The following CDH13 variants were observed in gnomAD, a reference collection of about 807,000 sequenced individuals.
CDH13 encodes the protein cadherin 13.
CDH13 carries 24 observed loss-of-function variants against 63.8 expected under a neutral mutation model. That is an observed-to-expected ratio of 0.38 (90% CI 0.27 to 0.53). CDH13 has a LOEUF of 0.53. Among genes scored for constraint, CDH13 ranks in the 20% least tolerant of loss-of-function variants. The probability of loss-of-function intolerance (pLI) is 0.85; values close to 1 mark genes in which losing one functional copy is unlikely to be tolerated. For missense variants in CDH13, 1,049 were observed against 903.1 expected (o/e 1.16, Z -2.07); for synonymous variants, 503 against 355.3 (o/e 1.42, Z -4.67).
intron 1 of CDH13, among the ~76,000 whole-genome samples, chr16:82,731,169 G>C (rs1343252341): frequency 1.3e-5 from 2 of 152,164 alleles, no homozygotes; most frequent in Non-Finnish European, 2.9e-5. Context: ...TTTTGAACTA[G>C]AATGGCAGTC....
chr16:83,360,817 T>G (rs1311292610), intron 6 of CDH13, among the ~76,000 whole-genome samples: 1 of 152,200 alleles, frequency 6.6e-6, no homozygotes, highest in Non-Finnish European at 1.5e-5. Context: ...CATAGTATTC[T>G]GTGGTGTATG....
At chr16:83,046,444 G>C (rs1349066843) in intron 3 of CDH13, among the ~76,000 whole-genome samples, 1 of 152,048 alleles carries the variant, frequency 6.6e-6, no homozygotes, top group Non-Finnish European at 1.5e-5. Context: ...TAAGAAAAAG[G>C]ATAGAAAAAG....
At chr16:83,233,299 G>A (rs2040055030) in intron 5 of CDH13, among the ~76,000 whole-genome samples, 1 of 152,168 alleles carries the variant, frequency 6.6e-6, no homozygotes, top group African/African-American at 2.4e-5. Context: ...CTCTCACCCA[G>A]TGACGACCAC....
chr16:82,829,176 C>G (rs553242774), intron 1 of CDH13: 26 of 152,308 alleles, frequency 1.7e-4, no homozygotes, highest in African/African-American at 6.0e-4. Flanking sequence ...CATGAGTGGA[C>G]TGGAGAGACT....
intron 7 of CDH13, among the ~76,000 whole-genome samples, chr16:83,533,231 A>G (rs537228205): frequency 4.6e-5 from 7 of 152,148 alleles, no homozygotes; most frequent in East Asian, 1.9e-4. Flanking sequence ...CTTCCCCTCA[A>G]TGCGACGGCT....
chr16:82,761,318 C>T (rs948511363), intron 1 of CDH13, among the ~76,000 whole-genome samples: 2 of 152,076 alleles, frequency 1.3e-5, no homozygotes, highest in African/African-American at 2.4e-5. Context: ...ATGCCCGGCA[C>T]ATTTCAACAC....
At chr16:83,521,377 GA>G (rs200584596) in intron 7 of CDH13, among the ~76,000 whole-genome samples, 14 of 151,758 alleles carry the variant, frequency 9.2e-5, no homozygotes, top group Admixed American at 1.3e-4. Context: ...ACCAATAATG[GA>G]AAAAAAATTG....
chr16:82,699,835 T>G (rs11641429), intron 1 of CDH13, among the ~76,000 whole-genome samples: 19,732 of 152,254 alleles, frequency 0.13, 1,390 homozygotes, highest in South Asian at 0.28. Context: ...TCCCATCTAG[T>G]TTTTACAAAC....
At chr16:82,948,665 T>G (rs759772691) in intron 2 of CDH13, among the ~76,000 whole-genome samples, 8 of 152,214 alleles carry the variant, frequency 5.3e-5, no homozygotes, top group Non-Finnish European at 1.2e-4. Flanking sequence ...CAAACTCTGC[T>G]ACTAGTCACT....
intron 6 of CDH13, among the ~76,000 whole-genome samples, chr16:83,449,816 GT>G (rs1238032074): frequency 2.0e-5 from 3 of 152,184 alleles, no homozygotes; most frequent in Non-Finnish European, 4.4e-5. Flanking sequence ...TACTCTGCTG[GT>G]TTGTTTTGAA....
At chr16:82,793,062 G>C (rs1245483653) in intron 1 of CDH13, among the ~76,000 whole-genome samples, 1 of 152,240 alleles carries the variant, frequency 6.6e-6, no homozygotes, top group Non-Finnish European at 1.5e-5. Flanking sequence ...GTTATTCACA[G>C]ATGGCTAAGT....
intron 2 of CDH13, among the ~76,000 whole-genome samples, chr16:82,892,233 C>G (rs143537787): frequency 2.2e-4 from 33 of 152,262 alleles, no homozygotes; most frequent in African/African-American, 7.0e-4. Flanking sequence ...ACACATAACG[C>G]TTAGGATGGT....
chr16:82,638,352 C>A (rs1033514100), intron 1 of CDH13, among the ~76,000 whole-genome samples: 2 of 152,200 alleles, frequency 1.3e-5, no homozygotes, highest in African/African-American at 2.4e-5. Flanking sequence ...CCCTGCCCAG[C>A]CATTTACACA....
intron 1 of CDH13, among the ~76,000 whole-genome samples, chr16:82,778,421 G>T (rs1031992448): frequency 1.3e-5 from 2 of 151,916 alleles, no homozygotes; most frequent in Admixed American, 1.3e-4. Flanking sequence ...GCATTTCCAC[G>T]TTGCTGCTAT....
intron 1 of CDH13, among the ~76,000 whole-genome samples, chr16:82,765,143 G>C (rs12185205): frequency 0.076 from 11,612 of 152,156 alleles, 551 homozygotes; most frequent in Middle Eastern, 0.14. Context: ...GCTCCATGTA[G>C]TTTATGGATG....
intron 3 of CDH13, among the ~76,000 whole-genome samples, chr16:83,104,639 G>T (rs2034674594): frequency 6.6e-6 from 1 of 151,812 alleles, no homozygotes; most frequent in African/African-American, 2.4e-5. Context: ...GTGGGCGGGG[G>T]AAATAGTGTA....
intron 1 of CDH13, among the ~76,000 whole-genome samples, chr16:82,694,032 C>G (rs2029957632): frequency 6.6e-6 from 1 of 152,198 alleles, no homozygotes; most frequent in Non-Finnish European, 1.5e-5. Flanking sequence ...ATGTCCACAT[C>G]TGGATTAAAA....
At chr16:83,439,151 C>T (rs1461756012) in intron 6 of CDH13, among the ~76,000 whole-genome samples, 1 of 152,096 alleles carries the variant, frequency 6.6e-6, no homozygotes, top group African/African-American at 2.4e-5. Context: ...ACTTTAAAAT[C>T]AGAGTAATAA....
At chr16:83,180,887 T>C (rs1341186057) in intron 4 of CDH13, 2 of 1,530,910 alleles carry the variant, frequency 1.3e-6, no homozygotes, top group East Asian at 2.4e-5. Flanking sequence ...ACAATCCTAT[T>C]AACAGCGAAC....
Sources: gnomAD v4.1 joint callset for allele counts (sites outside exome capture counted in the v4.1 genomes callset) on GRCh38, gnomAD v4.1.1 for gene constraint, MANE v1.5 for transcripts, NCBI Gene and HGNC (gene_info 2026-07-23, HGNC 2026-07-21) for gene names.